Variants in CNTN4 observed in about 807,000 individuals in gnomAD.
The protein encoded by CNTN4 is contactin 4.
CNTN4 carries 77 observed loss-of-function variants against 122.5 expected under a neutral mutation model. The observed-to-expected ratio is 0.63, with a 90% confidence interval of 0.52 to 0.76. The LOEUF (loss-of-function observed/expected upper bound fraction) is 0.76, where lower values mean the gene tolerates loss of function less well. Ranked by LOEUF, CNTN4 falls within the 30% of genes least tolerant of loss-of-function variation. The pLI, the probability that CNTN4 is intolerant of heterozygous loss-of-function variation, is 0.00. For missense variants in CNTN4, 1,256 were observed against 1,259.1 expected (o/e 1.00, Z 0.04); for synonymous variants, 512 against 447.0 (o/e 1.15, Z -1.83).
intron 2 of CNTN4, among the ~76,000 whole-genome samples, chr3:2,335,387 AAAC>A (rs2043908477): frequency 6.6e-6 from 1 of 152,082 alleles, no homozygotes; most frequent in Non-Finnish European, 1.5e-5. Context: ...TCTAGCCTCA[AAAC>A]AACAGCTAAA....
At chr3:2,439,927 C>A (rs1043123187) in intron 3 of CNTN4, among the ~76,000 whole-genome samples, 3 of 152,022 alleles carry the variant, frequency 2.0e-5, no homozygotes, top group Admixed American at 1.3e-4. Flanking sequence ...GAAAAAAAAT[C>A]TTTGGGAGTA....
chr3:2,444,055 T>C lies in CNTN4; in HGVS notation c.-89+104822T>C, dbSNP rs73804561. 3.7e-3 allele frequency among the ~76,000 whole-genome samples: 559 copies of C among 152,268 alleles called. 3 individuals carry two copies. Among genetic ancestry groups the C allele is most frequent in the African/African-American group, 0.012 (504 of 41,572 alleles). On this transcript the variant is annotated intron_variant, in intron 3 of 24. Coordinates refer to ENST00000418658, the MANE Select transcript of CNTN4 (RefSeq NM_175607.3). ...TACACTCCTCTGGGAGCATTTATCT[T>C]TCCTTCATGGCAATGTAATTTTGTA...
Position 2,413,612 on chromosome 3 carries a change from C to T in CNTN4, c.-89+74379C>T, listed in dbSNP as rs1057324489. ...AGGCTGAAGGGCAGTGGCGTGATCT[C>T]GGCTCACTACAACCTCCACCTCTCA... On this transcript the variant is annotated intron_variant, in intron 3 of 24. Transcript: ENST00000418658. Among the ~76,000 whole-genome samples, 8 of 151,588 alleles carry T rather than the reference C, an allele frequency of 5.3e-5. No homozygotes were observed. The East Asian group carries it at 9.7e-4, about 18-fold the overall frequency.
chr3:2,872,643 A>G (rs982431086), intron 8 of CNTN4, among the ~76,000 whole-genome samples: 2 of 152,154 alleles, frequency 1.3e-5, no homozygotes, highest in African/African-American at 4.8e-5. Context: ...AACAAGGAAC[A>G]ATGAGATTAT....
Position 2,809,867 on chromosome 3 carries a change from C to G in CNTN4, c.359-9619C>G, listed in dbSNP as rs183114802. Among the ~76,000 whole-genome samples the G allele has an allele frequency of 4.1e-3, 618 of 151,894 alleles. 2 individuals carry two copies. Among genetic ancestry groups the G allele is most frequent in the African/African-American group, 0.014 (572 of 41,414 alleles). ...TTGTTCTTTGGCCTCTTAAATAGCA[C>G]AAAGGTCTAGATAAAATAGAGTATG... On this transcript the variant is annotated intron_variant, in intron 6 of 24. Transcript: ENST00000418658.
At chr3:2,606,592 A>G (rs2081270878) in intron 4 of CNTN4, among the ~76,000 whole-genome samples, 1 of 152,218 alleles carries the variant, frequency 6.6e-6, no homozygotes, top group Admixed American at 6.5e-5. Flanking sequence ...TGTTATGACT[A>G]ATTCCATATG....
At chr3:2,925,855 G>A in intron 13 of CNTN4, 76 bp downstream of exon 13, 1 of 1,310,450 alleles carries the variant, frequency 7.6e-7, no homozygotes, top group Admixed American at 1.7e-5. Flanking sequence ...ATTCTAAGGG[G>A]AAGGTGGGGT....
chr3:3,039,164 A>G, intron 19 of CNTN4, 161 bp downstream of exon 19: 1 of 679,726 alleles, frequency 1.5e-6, no homozygotes, highest in Non-Finnish European at 2.7e-6. Flanking sequence ...GCTAGCAGGA[A>G]GGACGGCACT....
At chr3:2,613,604 T>G (rs1216898744) in intron 4 of CNTN4, among the ~76,000 whole-genome samples, 1 of 152,174 alleles carries the variant, frequency 6.6e-6, no homozygotes, top group African/African-American at 2.4e-5. Flanking sequence ...TTGGGCAATA[T>G]AAGGACTTTT....
intron 3 of CNTN4, among the ~76,000 whole-genome samples, chr3:2,374,084 C>T (rs1265051224): frequency 6.6e-6 from 1 of 152,032 alleles, no homozygotes; most frequent in Non-Finnish European, 1.5e-5. Flanking sequence ...ATTTTAGAAC[C>T]CCTAAAGAAG....
At chr3:2,382,682 A>G (rs2046072255) in intron 3 of CNTN4, among the ~76,000 whole-genome samples, 1 of 152,206 alleles carries the variant, frequency 6.6e-6, no homozygotes, top group South Asian at 2.1e-4. Context: ...AGATTAGACA[A>G]TATACCCTGT....
At chr3:2,340,054 G>T (rs55846085) in intron 3 of CNTN4, among the ~76,000 whole-genome samples, 615 of 152,252 alleles carry the variant, frequency 4.0e-3, no homozygotes, top group African/African-American at 0.014. Flanking sequence ...TAGGAAGATA[G>T]CAGTCATTGA....
intron 3 of CNTN4, among the ~76,000 whole-genome samples, chr3:2,383,305 A>G (rs1323780991): frequency 6.6e-6 from 1 of 152,204 alleles, no homozygotes; most frequent in African/African-American, 2.4e-5. Flanking sequence ...CTCTGTTTAA[A>G]TATCTACAGT....
At chr3:2,583,320 A>G (rs1486027462) in intron 4 of CNTN4, among the ~76,000 whole-genome samples, 1 of 152,154 alleles carries the variant, frequency 6.6e-6, no homozygotes, top group South Asian at 2.1e-4. Flanking sequence ...CATCCAACCT[A>G]TCTTGGGGGA....
intron 4 of CNTN4, among the ~76,000 whole-genome samples, chr3:2,634,935 T>C (rs1205872881): frequency 1.3e-5 from 2 of 151,888 alleles, no homozygotes; most frequent in African/African-American, 4.8e-5. Flanking sequence ...AGAAATCCAG[T>C]ATTGGGGTGA....
chr3:2,236,431 GA>G (rs1242167809), intron 2 of CNTN4, among the ~76,000 whole-genome samples: 31 of 152,172 alleles, frequency 2.0e-4, no homozygotes, highest in African/African-American at 5.3e-4. Context: ...ATTGTAAATT[GA>G]AAAGCCCTAT....
chr3:2,332,578 T>A (rs1282590231), intron 2 of CNTN4, among the ~76,000 whole-genome samples: 4 of 151,832 alleles, frequency 2.6e-5, no homozygotes, highest in South Asian at 4.2e-4. Context: ...CTGATTAAAA[T>A]CCTCAAGTAA....
rs560856024 is a variant in CNTN4 at position 2,961,100 on chromosome 3, G to T, written c.1359-27245G>T. 1.1e-3 allele frequency among the ~76,000 whole-genome samples: 163 copies of T among 142,414 alleles called. 11 individuals are homozygous for T. The South Asian group carries it at 0.036, about 32-fold the overall frequency. The allele number at this position is 142,414 out of a possible 152,430, so 93.4% of individuals were successfully genotyped here. A position where few individuals can be genotyped will look rare whatever the true frequency, so the allele number is the denominator to read the frequency against. On this transcript the variant is annotated intron_variant, in intron 13 of 24. Transcript: ENST00000418658. ...AAAAAATTAGCCGGGCGTGGTGATG[G>T]GCGCCTGTAGTCCCAGCTACTCGGG...
intron 2 of CNTN4, among the ~76,000 whole-genome samples, chr3:2,186,132 C>T (rs2037250257): frequency 6.6e-6 from 1 of 150,756 alleles, no homozygotes; most frequent in Admixed American, 6.6e-5. Flanking sequence ...TTCCTGTGTC[C>T]AAGTGTTCTC....
Sources: allele counts gnomAD v4.1 joint callset (sites outside exome capture counted in the v4.1 genomes callset), GRCh38; gene constraint gnomAD v4.1.1; transcripts MANE v1.5; gene names NCBI Gene and HGNC (gene_info 2026-07-23, HGNC 2026-07-21).